Variants in PLD1 observed in about 807,000 individuals in gnomAD.
PLD1 encodes the protein choline phosphatase 1.
PLD1 carries 112 observed loss-of-function variants against 137.1 expected under a neutral mutation model. The observed-to-expected ratio is 0.82, with a 90% CI of 0.70 to 0.96. The LOEUF (loss-of-function observed/expected upper bound fraction) is 0.96. Among genes scored for constraint, PLD1 ranks in the 40% least tolerant of loss-of-function variants. The probability of loss-of-function intolerance (pLI) is 0.00; values close to 1 mark genes in which losing one functional copy is unlikely to be tolerated. For synonymous variants in PLD1, 431 were observed against 454.7 expected (o/e 0.95, Z 0.66); for missense variants, 1,321 against 1,342.0 (o/e 0.98, Z 0.24).
intron 19 of PLD1, chr3:171,666,273 G>C (rs1189041824): frequency 6.6e-6 from 1 of 152,626 alleles, no homozygotes; most frequent in Non-Finnish European, 1.5e-5. Flanking sequence ...CACATGGCTG[G>C]GGAGGCCTCA....
At chr3:171,778,230 G>C (rs1722655565) in intron 1 of PLD1, among the ~76,000 whole-genome samples, 1 of 152,042 alleles carries the variant, frequency 6.6e-6, no homozygotes, top group African/African-American at 2.4e-5. Flanking sequence ...ATGAAAATGG[G>C]GCCAGAAAGC....
intron 11 of PLD1, among the ~76,000 whole-genome samples, chr3:171,703,678 T>C (rs533388784): frequency 1.4e-3 from 213 of 152,304 alleles, no homozygotes; most frequent in African/African-American, 5.0e-3. Flanking sequence ...AAGAGCTAAA[T>C]AAGTGGAAGC....
chr3:171,658,822 A>T (rs1029304329), intron 21 of PLD1, among the ~76,000 whole-genome samples: 1 of 150,484 alleles, frequency 6.6e-6, no homozygotes. Flanking sequence ...ACCAATTATT[A>T]AAAAAAAAAT....
At chr3:171,719,405 C>T (rs1282293950) in intron 8 of PLD1, among the ~76,000 whole-genome samples, 1 of 152,236 alleles carries the variant, frequency 6.6e-6, no homozygotes, top group Non-Finnish European at 1.5e-5. Context: ...CTACTACTAT[C>T]TGTTCAATGC....
intron 4 of PLD1, among the ~76,000 whole-genome samples, 160 bp from the exon 5 acceptor site, chr3:171,735,130 TTTTA>T (rs1719254952): frequency 6.6e-6 from 1 of 152,078 alleles, no homozygotes; most frequent in Admixed American, 6.5e-5. Flanking sequence ...TAAATACACT[TTTTA>T]TTTATTTATT....
At chr3:171,746,559 A>T (rs1174945858) in intron 1 of PLD1, among the ~76,000 whole-genome samples, 1 of 152,198 alleles carries the variant, frequency 6.6e-6, no homozygotes. Context: ...TAAACACACC[A>T]ATCAGCACCC....
intron 1 of PLD1, among the ~76,000 whole-genome samples, chr3:171,749,232 TG>T (rs1054842446): frequency 6.6e-6 from 1 of 152,116 alleles, no homozygotes; most frequent in African/African-American, 2.4e-5. Flanking sequence ...GAACTGAAGC[TG>T]TAGGGCCCAA....
chr3:171,808,351 A>C (rs532194138), intron 1 of PLD1, among the ~76,000 whole-genome samples: 11 of 152,234 alleles, frequency 7.2e-5, no homozygotes, highest in Admixed American at 6.5e-4. Context: ...CCTGGCTAAC[A>C]CGGTGAAACC....
Position 171,708,775 on chromosome 3 carries a change from CTCT to C in PLD1, c.1122_1124del (p.Glu375del). On this transcript the variant is annotated inframe_deletion, in exon 11 of 27. Coordinates refer to ENST00000351298, the MANE Select transcript of PLD1 (RefSeq NM_002662.5). Reference sequence around the variant, plus strand: ...CTAACCACCAGTCTGTGATAAAAATCTCTTCATTTGCCTCTTCCATTGCATTTG... The same window carrying C: ...CTAACCACCAGTCTGTGATAAAAATCTCATTTGCCTCTTCCATTGCATTTG... 1 of 1,598,746 alleles carries C rather than the reference CTCT, an allele frequency of 6.3e-7. No individual in the cohort carries two copies. Among genetic ancestry groups the C allele is most frequent in the Non-Finnish European group, 8.6e-7 (1 of 1,166,060 alleles).
At chr3:171,645,883 CAAAA>C (rs1162718346) in intron 21 of PLD1, among the ~76,000 whole-genome samples, 23 of 59,206 alleles carry the variant, frequency 3.9e-4, no homozygotes, top group African/African-American at 1.2e-3. Flanking sequence ...GACTCCATCT[CAAAA>C]AAAAAAAAAA....
At chr3:171,722,793 A>G (rs1307426702) in intron 8 of PLD1, among the ~76,000 whole-genome samples, 2 of 152,138 alleles carry the variant, frequency 1.3e-5, no homozygotes, top group African/African-American at 2.4e-5. Flanking sequence ...CTTATTTCAG[A>G]ATATTTTCAT....
chr3:171,697,247 T>TA (rs1334725046), intron 12 of PLD1, among the ~76,000 whole-genome samples: 7 of 135,386 alleles, frequency 5.2e-5, no homozygotes, highest in African/African-American at 2.3e-4. Context: ...CTTTTTTTTT[T>TA]TTTTTTTTTT....
chr3:171,744,912 C>A (rs1427570636), intron 1 of PLD1, among the ~76,000 whole-genome samples: 1 of 152,188 alleles, frequency 6.6e-6, no homozygotes, highest in Non-Finnish European at 1.5e-5. Flanking sequence ...GAAAGGACAA[C>A]CTTGTAGACA....
intron 16 of PLD1, among the ~76,000 whole-genome samples, chr3:171,680,296 G>A (rs999511638): frequency 3.3e-5 from 4 of 122,360 alleles, no homozygotes; most frequent in Admixed American, 1.0e-4. Context: ...GCACGATCTC[G>A]GCTCACTGCA....
chr3:171,744,648 G>A (rs762683111), intron 1 of PLD1, among the ~76,000 whole-genome samples: 5 of 152,200 alleles, frequency 3.3e-5, no homozygotes, highest in Non-Finnish European at 5.9e-5. Flanking sequence ...TTGAACTCAC[G>A]TTCTCTTTTT....
chr3:171,648,517 C>T (rs1736459300), intron 21 of PLD1, among the ~76,000 whole-genome samples: 1 of 151,622 alleles, frequency 6.6e-6, no homozygotes, highest in Non-Finnish European at 1.5e-5. Flanking sequence ...TATCATTTAA[C>T]AGGGTATCTT....
At chr3:171,779,115 G>A (rs1033773100) in intron 1 of PLD1, among the ~76,000 whole-genome samples, 1 of 152,246 alleles carries the variant, frequency 6.6e-6, no homozygotes, top group Non-Finnish European at 1.5e-5. Context: ...CTTGAACCCA[G>A]GAGGCAGAAG....
chr3:171,673,481 G>T (rs1366984736), intron 19 of PLD1, among the ~76,000 whole-genome samples: 1 of 151,972 alleles, frequency 6.6e-6, no homozygotes, highest in African/African-American at 2.4e-5. Flanking sequence ...GGGTTGGCCA[G>T]GCTGGTCTCG....
intron 6 of PLD1, 63 bp from the exon 7 acceptor site, chr3:171,726,139 A>T (rs1027689919): frequency 9.4e-7 from 1 of 1,065,792 alleles, no homozygotes; most frequent in African/African-American, 1.6e-5. Context: ...GCATTAAAAA[A>T]CATGTATTAG....
Sources: gnomAD v4.1 joint callset for allele counts (sites outside exome capture counted in the v4.1 genomes callset) on GRCh38, gnomAD v4.1.1 for gene constraint, MANE v1.5 for transcripts, NCBI Gene and HGNC (gene_info 2026-07-23, HGNC 2026-07-21) for gene names.